HIVEP3: variants seen among roughly 807,000 people sequenced by gnomAD.
The protein encoded by HIVEP3 is HIVEP zinc finger 3.
Under a neutral mutation model 152.8 loss-of-function variants are expected in HIVEP3, and 49 were observed. The observed-to-expected ratio is 0.32, with a 90% CI of 0.26 to 0.41. The LOEUF (loss-of-function observed/expected upper bound fraction) is 0.41, where lower values mean the gene tolerates loss of function less well. Among genes scored for constraint, HIVEP3 ranks in the 10% least tolerant of loss-of-function variants. The pLI, the probability that HIVEP3 is intolerant of heterozygous loss-of-function variation, is 1.00. For synonymous variants in HIVEP3, 1,269 were observed against 1,289.0 expected (o/e 0.98, Z 0.33); for missense variants, 2,790 against 3,103.3 (o/e 0.90, Z 2.40).
At chr1:41,632,196 C>T (rs1645205296) in intron 2 of HIVEP3, among the ~76,000 whole-genome samples, 1 of 152,214 alleles carries the variant, frequency 6.6e-6, no homozygotes, top group Non-Finnish European at 1.5e-5. Flanking sequence ...CGAGTATGGC[C>T]TGTCACACAC....
At chr1:41,833,739 G>T (rs1171791823) in intron 1 of HIVEP3, among the ~76,000 whole-genome samples, 1 of 152,184 alleles carries the variant, frequency 6.6e-6, no homozygotes, top group Non-Finnish European at 1.5e-5. Context: ...ACAGTGATAA[G>T]GTCCACACAC....
chr1:41,515,369 C>A (rs1185609080), intron 7 of HIVEP3, among the ~76,000 whole-genome samples: 14 of 152,150 alleles, frequency 9.2e-5, no homozygotes, highest in Admixed American at 9.2e-4. Context: ...GGCTGGCAGG[C>A]AAAAGGAGGC....
intron 1 of HIVEP3, among the ~76,000 whole-genome samples, chr1:41,731,712 GC>G (rs1481393663): frequency 3.3e-5 from 5 of 152,324 alleles, no homozygotes; most frequent in Middle Eastern, 3.4e-3. Context: ...CTGTGAGGGA[GC>G]CATCTGGAAA....
intron 5 of HIVEP3, among the ~76,000 whole-genome samples, chr1:41,529,541 C>T (rs1319765537): frequency 1.4e-4 from 12 of 85,528 alleles, no homozygotes; most frequent in African/African-American, 5.9e-4. Context: ...CTCACACACC[C>T]GACTCTCCTC....
chr1:41,724,173 C>T (rs1267491917), intron 1 of HIVEP3, among the ~76,000 whole-genome samples: 1 of 152,142 alleles, frequency 6.6e-6, no homozygotes, highest in Non-Finnish European at 1.5e-5. Flanking sequence ...CACCACTATC[C>T]ACTGTCACCT....
At chr1:41,987,194 T>A (rs1358489091) in intron 1 of HIVEP3, among the ~76,000 whole-genome samples, 1 of 152,142 alleles carries the variant, frequency 6.6e-6, no homozygotes, top group African/African-American at 2.4e-5. Flanking sequence ...CATAGAAGAA[T>A]TAATATCGCT....
intron 5 of HIVEP3, among the ~76,000 whole-genome samples, chr1:41,565,791 C>T (rs1296820168): frequency 2.0e-5 from 3 of 152,134 alleles, no homozygotes; most frequent in African/African-American, 7.2e-5. Context: ...TACCCAGGAA[C>T]CTAAGGCTGT....
At chr1:41,589,435 A>C (rs551936078) in intron 3 of HIVEP3, among the ~76,000 whole-genome samples, 39 of 152,328 alleles carry the variant, frequency 2.6e-4, no homozygotes, top group African/African-American at 8.7e-4. Flanking sequence ...GGAGCCACAA[A>C]AGCCTCAGGG....
chr1:41,822,980 T>G (rs1370419093), intron 1 of HIVEP3, among the ~76,000 whole-genome samples: 1 of 152,256 alleles, frequency 6.6e-6, no homozygotes, highest in East Asian at 1.9e-4. Context: ...GTTGAAGTCC[T>G]AACTCTCAAT....
chr1:42,015,689 A>G (rs1169225159), intron 1 of HIVEP3, among the ~76,000 whole-genome samples: 1 of 152,242 alleles, frequency 6.6e-6, no homozygotes, highest in Non-Finnish European at 1.5e-5. Flanking sequence ...ACCAGACTGT[A>G]GCAAATCAAA....
chr1:41,894,617 A>G (rs999266122), intron 1 of HIVEP3, among the ~76,000 whole-genome samples: 19 of 152,230 alleles, frequency 1.2e-4, no homozygotes, highest in African/African-American at 4.6e-4. Context: ...CAGCAACGCC[A>G]GAATGTTTAT....
At chr1:41,717,995 G>T (rs1185419271) in intron 1 of HIVEP3, among the ~76,000 whole-genome samples, 1 of 152,206 alleles carries the variant, frequency 6.6e-6, no homozygotes, top group African/African-American at 2.4e-5. Context: ...GAGATTATGG[G>T]GATCATGGGA....
At chr1:41,544,443 C>T (rs1305438022) in intron 5 of HIVEP3, 1 of 151,910 alleles carries the variant, frequency 6.6e-6, no homozygotes, top group Non-Finnish European at 1.5e-5. Context: ...TGATTAAACA[C>T]CCTCTGGCTC....
At chr1:41,990,790 T>A (rs1385841418) in intron 1 of HIVEP3, among the ~76,000 whole-genome samples, 1 of 134,366 alleles carries the variant, frequency 7.4e-6, no homozygotes, top group East Asian at 2.1e-4. Flanking sequence ...ACAGAAATTA[T>A]AACAAACTAT....
chr1:41,629,386 G>A (rs1263463772), intron 2 of HIVEP3, among the ~76,000 whole-genome samples: 3 of 152,134 alleles, frequency 2.0e-5, no homozygotes, highest in Non-Finnish European at 4.4e-5. Context: ...ATGGCTAAGT[G>A]CTCAAAAGCA....
intron 1 of HIVEP3, among the ~76,000 whole-genome samples, chr1:41,742,156 G>A (rs1202421905): frequency 1.3e-5 from 2 of 152,078 alleles, no homozygotes; most frequent in Non-Finnish European, 2.9e-5. Flanking sequence ...CCAACCATCT[G>A]TCCATCCATC....
intron 1 of HIVEP3, among the ~76,000 whole-genome samples, chr1:41,866,264 G>C (rs1643970807): frequency 6.6e-6 from 1 of 152,232 alleles, no homozygotes; most frequent in South Asian, 2.1e-4. Context: ...CTCCTCAGAG[G>C]CTGGTCCTCC....
chr1:41,523,786 A>G (rs1044251936), intron 6 of HIVEP3, among the ~76,000 whole-genome samples: 2 of 152,188 alleles, frequency 1.3e-5, no homozygotes, highest in Non-Finnish European at 2.9e-5. Flanking sequence ...GAAGCCCCCA[A>G]CTTGCTCAAA....
chr1:41,581,902 T>C lies in HIVEP3; in HGVS notation c.2896A>G (p.Met966Val). Reference sequence around the variant, plus strand: ...TGGGTGCCCAGGGGTTTGGGGCGCATGTCAGATGAGGGACTGGGGGCCTCG... The same window carrying C: ...TGGGTGCCCAGGGGTTTGGGGCGCACGTCAGATGAGGGACTGGGGGCCTCG... ...KAEAPSPSSD[M>V]RPKPLGTHML... Residue 966 changes from methionine to valine, a missense_variant, in exon 4 of 9, where the codon ATG becomes GTG. Around this residue, in one of 9 missense-constraint regions of HIVEP3, gnomAD observed 1,078 missense variants for 1,165.3 expected, o/e 0.93. Transcript: ENST00000372583. The surrounding 1 kb of genome is among the most constrained non-coding windows in gnomAD (Gnocchi z 4.5). 1 of 1,613,986 alleles carries C rather than the reference T, an allele frequency of 6.2e-7. No individual in the cohort carries two copies. The highest frequency in any genetic ancestry group is 1.3e-5 in the African/African-American group (1 of 75,004).
Sources: gnomAD v4.1 joint callset for allele counts (sites outside exome capture counted in the v4.1 genomes callset) on GRCh38, gnomAD v4.1.1 for gene constraint, gnomAD v4.1.1 regional missense constraint, Gnocchi (gnomAD v3.1) non-coding constraint, MANE v1.5 for transcripts, NCBI Gene and HGNC (gene_info 2026-07-23, HGNC 2026-07-21) for gene names.